CNTN5: variants seen among roughly 807,000 people sequenced by gnomAD.
CNTN5 encodes contactin-5.
In CNTN5, 77 loss-of-function variants were observed where a neutral mutation model predicts 129.1. The ratio of observed to expected loss-of-function variants is 0.60; its 90% confidence interval spans 0.50 to 0.72. CNTN5 has a LOEUF of 0.72. Among genes scored for constraint, CNTN5 ranks in the 30% least tolerant of loss-of-function variants. The pLI is 0.00. For synonymous variants in CNTN5, 509 were observed against 465.6 expected, an observed-to-expected ratio of 1.09 and a Z score of -1.20; for missense variants, 1,478 against 1,328.8, an observed-to-expected ratio of 1.11 and a Z score of -1.75.
intron 3 of CNTN5, among the ~76,000 whole-genome samples, chr11:99,743,946 TAAACTA>T (rs1943964162): frequency 6.6e-6 from 1 of 152,152 alleles, no homozygotes; most frequent in African/African-American, 2.4e-5. Flanking sequence ...GAATAGAACT[TAAACTA>T]AAGCACAAAA....
At position 99,180,302 on chromosome 11, in the gene CNTN5, G is replaced by C. The variant is rs140410460; in HGVS notation, c.-209-145044G>C. 1.7e-4 allele frequency among the ~76,000 whole-genome samples: 26 copies of C among 152,270 alleles called. No individual in the cohort carries two copies. The East Asian group carries it at 2.7e-3, about 16-fold the overall frequency. Reference sequence around the variant, plus strand: ...ATATTTACACTCACCAGACTATGGAGGATTCACCACCAGACTGGGAAGCAA... The same window carrying C: ...ATATTTACACTCACCAGACTATGGACGATTCACCACCAGACTGGGAAGCAA... On this transcript the variant is annotated intron_variant, in intron 1 of 24. Transcript: ENST00000524871.
intron 3 of CNTN5, among the ~76,000 whole-genome samples, chr11:99,804,146 C>T (rs979484115): frequency 6.6e-6 from 1 of 151,864 alleles, no homozygotes; most frequent in Non-Finnish European, 1.5e-5. Context: ...AATATAGTTA[C>T]AGTATACTGA....
chr11:99,501,010 C>A (rs1240994146), intron 2 of CNTN5, among the ~76,000 whole-genome samples: 1 of 152,002 alleles, frequency 6.6e-6, no homozygotes, highest in Non-Finnish European at 1.5e-5. Context: ...GATATATGCA[C>A]CATGCATACA....
At chr11:99,786,184 A>G (rs528586443) in intron 3 of CNTN5, among the ~76,000 whole-genome samples, 1 of 152,084 alleles carries the variant, frequency 6.6e-6, no homozygotes. Flanking sequence ...AATGTGCAAA[A>G]ATCAAAAGAA....
chr11:99,793,682 A>G (rs1945834693), intron 3 of CNTN5, among the ~76,000 whole-genome samples: 1 of 152,206 alleles, frequency 6.6e-6, no homozygotes, highest in Non-Finnish European at 1.5e-5. Context: ...TCATTTGCCC[A>G]GAAGTCGCTC....
At chr11:99,768,226 GATTAT>G (rs1261492471) in intron 3 of CNTN5, among the ~76,000 whole-genome samples, 1 of 152,056 alleles carries the variant, frequency 6.6e-6, no homozygotes, top group Non-Finnish European at 1.5e-5. Flanking sequence ...TAGATAGGTA[GATTAT>G]ATTAATAGTT....
intron 2 of CNTN5, among the ~76,000 whole-genome samples, chr11:99,362,500 C>T (rs1939180154): frequency 6.6e-6 from 1 of 151,690 alleles, no homozygotes; most frequent in South Asian, 2.1e-4. Context: ...AACAATTTAT[C>T]TATTTTTTTT....
intron 23 of CNTN5, among the ~76,000 whole-genome samples, chr11:100,344,888 T>G (rs1402762239): frequency 6.6e-6 from 1 of 152,128 alleles, no homozygotes; most frequent in East Asian, 1.9e-4. Context: ...CCTCTAGGAA[T>G]TTTAAAATTT....
intron 9 of CNTN5, among the ~76,000 whole-genome samples, chr11:100,057,807 A>G (rs12418154): frequency 1.3e-5 from 2 of 152,030 alleles, no homozygotes; most frequent in African/African-American, 4.8e-5. Context: ...ATATATTCAT[A>G]CCATATAAAT....
At chr11:99,082,263 A>G (rs1865833572) in intron 1 of CNTN5, among the ~76,000 whole-genome samples, 1 of 148,960 alleles carries the variant, frequency 6.7e-6, no homozygotes, top group African/African-American at 2.5e-5. Flanking sequence ...TCTGCTCACT[A>G]CAACCTCCGC....
intron 13 of CNTN5, among the ~76,000 whole-genome samples, chr11:100,089,370 C>T (rs1944668967): frequency 6.6e-6 from 1 of 152,038 alleles, no homozygotes; most frequent in African/African-American, 2.4e-5. Flanking sequence ...TCATCTCATG[C>T]CAGTTAGAAT....
At chr11:99,134,885 C>G (rs1859140091) in intron 1 of CNTN5, among the ~76,000 whole-genome samples, 1 of 152,134 alleles carries the variant, frequency 6.6e-6, no homozygotes, top group Non-Finnish European at 1.5e-5. Context: ...TCAACTGTAA[C>G]TATGTGAAGC....
At chr11:99,590,066 G>C (rs1949928421) in intron 3 of CNTN5, among the ~76,000 whole-genome samples, 2 of 152,096 alleles carry the variant, frequency 1.3e-5, no homozygotes, top group African/African-American at 4.8e-5. Flanking sequence ...GAGGAGGAAG[G>C]ATCATCCAGA....
At chr11:100,087,072 T>C (rs1323643951) in intron 13 of CNTN5, among the ~76,000 whole-genome samples, 2 of 151,604 alleles carry the variant, frequency 1.3e-5, no homozygotes, top group Non-Finnish European at 3.0e-5. Context: ...TAAAGTCAAA[T>C]ATTGATACTT....
intron 3 of CNTN5, among the ~76,000 whole-genome samples, chr11:99,804,193 T>C (rs1178803298): frequency 2.0e-5 from 3 of 152,044 alleles, no homozygotes; most frequent in African/African-American, 2.4e-5. Context: ...TGAATAATAA[T>C]GTGTTTTACA....
chr11:99,780,784 T>C (rs1945285206), intron 3 of CNTN5, among the ~76,000 whole-genome samples: 2 of 152,034 alleles, frequency 1.3e-5, no homozygotes, highest in South Asian at 4.1e-4. Flanking sequence ...TGTTATGACA[T>C]AGAGGAACAC....
At chr11:99,991,512 T>C (rs1939097127) in intron 8 of CNTN5, among the ~76,000 whole-genome samples, 1 of 151,966 alleles carries the variant, frequency 6.6e-6, no homozygotes, top group Admixed American at 6.6e-5. Flanking sequence ...AAAATAACTC[T>C]TCTGGTTGCA....
chr11:99,590,599 T>C (rs1365772906), intron 3 of CNTN5, among the ~76,000 whole-genome samples: 1 of 152,236 alleles, frequency 6.6e-6, no homozygotes, highest in African/African-American at 2.4e-5. Flanking sequence ...TTATGTGTTG[T>C]AGATATGTGT....
chr11:100,351,852 C>T (rs1020798536), intron 24 of CNTN5, among the ~76,000 whole-genome samples: 1 of 151,202 alleles, frequency 6.6e-6, no homozygotes, highest in African/African-American at 2.4e-5. Flanking sequence ...GTATGTGGCC[C>T]TATGTTATTT....
Sources: gnomAD v4.1 joint callset for allele counts (sites outside exome capture counted in the v4.1 genomes callset) on GRCh38, gnomAD v4.1.1 for gene constraint, MANE v1.5 for transcripts, NCBI Gene and HGNC (gene_info 2026-07-23, HGNC 2026-07-21) for gene names.